The following JMJD6 variants were observed in gnomAD, a reference collection of about 807,000 sequenced individuals.
The protein encoded by JMJD6 is bifunctional arginine demethylase and lysyl-hydroxylase JMJD6.
JMJD6 carries 17 observed loss-of-function variants against 45.8 expected under a neutral mutation model. The ratio of observed to expected loss-of-function variants is 0.37; its 90% CI spans 0.25 to 0.56. JMJD6 has a LOEUF of 0.56. Among genes scored for constraint, JMJD6 ranks in the 20% least tolerant of loss-of-function variants. The probability of loss-of-function intolerance (pLI) is 0.79; values close to 1 mark genes in which losing one functional copy is unlikely to be tolerated. For synonymous variants in JMJD6, 221 were observed against 196.3 expected, an observed-to-expected ratio of 1.13 and a Z score of -1.05; for missense variants, 470 against 517.5, an observed-to-expected ratio of 0.91 and a Z score of 0.89.
At chr17:76,721,653 C>T (rs1025682386) in intron 4 of JMJD6, 145 bp downstream of exon 4, 10 of 878,918 alleles carry the variant, frequency 1.1e-5, no homozygotes, top group Non-Finnish European at 1.7e-5. Context: ...CTTGGCCCCT[C>T]TCTCCTCTAC....
intron 3 of JMJD6, among the ~76,000 whole-genome samples, chr17:76,722,553 A>G (rs141744346): frequency 1.3e-3 from 205 of 152,158 alleles, no homozygotes; most frequent in African/African-American, 4.7e-3. Flanking sequence ...CAATTTACAG[A>G]ATTAAACCCT....
Position 76,726,370 on chromosome 17 carries a change from A to C in JMJD6, c.106T>G (p.Ser36Ala). ...WTRHNYYESFSLSPAAVADNV... is the reference protein window; with the variant it reads ...WTRHNYYESFALSPAAVADNV... ...ACCGCCACGGCCGCCGGGCTCAGCG[A>C]GAAGCTCTCGTAGTAGTTGTGCCGG... Residue 36 changes from serine to alanine, a missense_variant, in exon 1 of 6, where the codon TCG (serine) becomes GCG (alanine). Transcript: ENST00000397625. 1 of 1,596,048 alleles carries C rather than the reference A, an allele frequency of 6.3e-7. No individual in the cohort carries two copies. Among genetic ancestry groups the C allele is most frequent in the South Asian group, 1.1e-5 (1 of 88,850 alleles).
At chr17:76,716,765 G>A, downstream of JMJD6, 1 of 1,605,746 alleles carries the variant, frequency 6.2e-7, no homozygotes, top group Non-Finnish European at 8.5e-7. Context: ...CACGTAGACA[G>A]CATGCTGGGT....
At position 76,726,372 on chromosome 17, in the gene JMJD6, A is replaced by C; in HGVS notation, c.104T>G (p.Phe35Cys). The part of the protein sequence containing the change: ...DWTRHNYYES[F>C]SLSPAAVADN... ...CGCCACGGCCGCCGGGCTCAGCGAG[A>C]AGCTCTCGTAGTAGTTGTGCCGGGT... The change falls in exon 1 of 6, where the codon TTC becomes TGC. Residue 35 changes from phenylalanine (F) to cysteine (C), a missense_variant. Around this residue, in one of 4 missense-constraint regions of JMJD6, gnomAD observed 346 missense variants for 339.5 expected, o/e 1.02. Transcript: ENST00000397625. The C allele has an allele frequency of 1.9e-6, 3 of 1,597,450 alleles. No homozygotes were observed. The highest frequency in any genetic ancestry group is 1.7e-6 in the Non-Finnish European group (2 of 1,173,762).
intron 2 of JMJD6, among the ~76,000 whole-genome samples, chr17:76,724,595 T>G (rs563741165): frequency 6.6e-6 from 1 of 151,798 alleles, no homozygotes; most frequent in Non-Finnish European, 1.5e-5. Context: ...GGTGGGTGCA[T>G]CACCTGAGGT....
chr17:76,721,228 G>A, intron 4 of JMJD6: 1 of 353,366 alleles, frequency 2.8e-6, no homozygotes, highest in South Asian at 1.9e-5. Context: ...CAGCAGGGAG[G>A]CTGAGCATGG....
In JMJD6 at chr17:76,718,857, C is replaced by T. The variant is rs551010788; in HGVS notation, c.1084G>A (p.Glu362Lys). The part of the protein sequence containing the change: ...SSSSDSDSEC[E>K]SGSEGDGTVH... ...GTCCCATCGCCCTCGGATCCAGACT[C>T]GCACTGGACACAGGAGGACAGAAAA... Residue 362 changes from glutamate to lysine, a missense_variant, in exon 6 of 6, where the codon GAG (glutamate) becomes AAG (lysine). By Grantham distance (56) the Glu-to-Lys change is moderately conservative (BLOSUM62 1). Around this residue, in one of 4 missense-constraint regions of JMJD6, gnomAD observed 45 missense variants for 37.2 expected, o/e 1.21. Coordinates refer to ENST00000397625, the MANE Select transcript of JMJD6 (RefSeq NM_015167.3). The T allele has an allele frequency of 2.9e-5, 46 of 1,613,458 alleles. No individual in the cohort carries two copies. Among genetic ancestry groups the T allele is most frequent in the Non-Finnish European group, 3.6e-5 (43 of 1,179,658 alleles).
intron 3 of JMJD6, among the ~76,000 whole-genome samples, chr17:76,722,703 G>A (rs1157025643): frequency 6.6e-6 from 1 of 151,894 alleles, no homozygotes. Flanking sequence ...AAAATTAGCT[G>A]GGTGTGGCGG....
intron 3 of JMJD6, among the ~76,000 whole-genome samples, chr17:76,722,998 G>T (rs893041003): frequency 1.4e-5 from 2 of 147,566 alleles, no homozygotes; most frequent in Non-Finnish European, 3.0e-5. Context: ...CCAGGCTGGA[G>T]TGCAGTGACA....
chr17:76,713,988 T>C (rs2076746985), downstream of JMJD6: 2 of 152,238 alleles, frequency 1.3e-5, no homozygotes, highest in African/African-American at 4.8e-5. Flanking sequence ...GTCACCGTTA[T>C]CTCCAGCACC....
chr17:76,716,966 T>G (rs913051220), downstream of JMJD6, among the ~76,000 whole-genome samples: 1 of 152,132 alleles, frequency 6.6e-6, no homozygotes, highest in African/African-American at 2.4e-5. Flanking sequence ...TGAAAGGACA[T>G]CGAGGGTTGA....
chr17:76,724,378 C>T (rs891576343), intron 2 of JMJD6, among the ~76,000 whole-genome samples: 1 of 151,968 alleles, frequency 6.6e-6, no homozygotes, highest in African/African-American at 2.4e-5. Flanking sequence ...GCCTCGGCCT[C>T]CCAAAGTGCT....
chr17:76,715,565 C>T (rs1221757263), downstream of JMJD6: 1 of 152,236 alleles, frequency 6.6e-6, no homozygotes, highest in Non-Finnish European at 1.5e-5. Context: ...CAACAGCACA[C>T]AATTCTAACA....
rs370584612 is a variant in JMJD6, at chr17:76,723,919, C to T, written c.658G>A (p.Val220Met). The T allele has an allele frequency of 6.2e-6, 10 of 1,614,112 alleles. No individual in the cohort carries two copies. Among genetic ancestry groups the T allele is most frequent in the Non-Finnish European group, 5.9e-6 (7 of 1,180,030 alleles). ...PTSTPRELIK[V>M]TRDEGGNQQD... Reference sequence around the variant, plus strand: ...TGGTTCCCTCCTTCGTCTCGGGTCACTTTGATGAGTTCCCTGGGAGTGCTG... The same window carrying T: ...TGGTTCCCTCCTTCGTCTCGGGTCATTTTGATGAGTTCCCTGGGAGTGCTG... Residue 220 changes from valine to methionine, a missense_variant, in exon 3 of 6, where the codon GTG (valine) becomes ATG (methionine). By Grantham distance (21) the Val-to-Met change is conservative. Coordinates refer to ENST00000397625, the MANE Select transcript of JMJD6 (RefSeq NM_015167.3).
downstream of JMJD6, among the ~76,000 whole-genome samples, chr17:76,718,194 C>CAA (rs982269962): frequency 3.2e-4 from 46 of 143,440 alleles, no homozygotes; most frequent in Middle Eastern, 3.7e-3. Flanking sequence ...TTTGACAAAT[C>CAA]AGAGTTTTCT....
rs2076858285 is a variant in JMJD6 at position 76,723,719 on chromosome 17, G to A, written c.805+53C>T. The A allele has an allele frequency of 9.6e-6, 15 of 1,556,628 alleles. No individual in the cohort carries two copies. The South Asian group carries it at 1.0e-4, about 11-fold the overall frequency. The stretch of plus-strand genomic sequence containing the variant: ...GCCTCCCAAAGTGCTGGGATTACAG[G>A]CATGAACCACCGCGCCCGGCAAAGA... On this transcript the variant is annotated intron_variant, in intron 3 of 5. Coordinates refer to ENST00000397625, the MANE Select transcript of JMJD6 (RefSeq NM_015167.3).
In JMJD6 at chr17:76,726,526, C is replaced by T; in HGVS notation, c.-51G>A. 1 of 1,554,446 alleles carries T rather than the reference C, an allele frequency of 6.4e-7. No homozygotes were observed. On this transcript the variant is annotated 5_prime_UTR_variant, in exon 1 of 6. Transcript: ENST00000397625. Reference sequence around the variant, plus strand: ...CTACGACCTCGGCGCAGCCCGCTTCCTGACACTAACGCACCCCTCCCCGGC... The same window carrying T: ...CTACGACCTCGGCGCAGCCCGCTTCTTGACACTAACGCACCCCTCCCCGGC...
chr17:76,719,051 T>C (rs571908550), intron 5 of JMJD6, among the ~76,000 whole-genome samples, 191 bp from the exon 6 acceptor site: 7 of 152,290 alleles, frequency 4.6e-5, no homozygotes, highest in African/African-American at 1.7e-4. Flanking sequence ...CCCTAAGAAT[T>C]TCAAACTTCC....
At chr17:76,724,248 A>G (rs2076867144) in intron 2 of JMJD6, among the ~76,000 whole-genome samples, 190 bp from the exon 3 acceptor site, 1 of 151,820 alleles carries the variant, frequency 6.6e-6, no homozygotes, top group African/African-American at 2.4e-5. Flanking sequence ...TAGCCTCCTG[A>G]GTAGCTGGGA....
Sources: gnomAD v4.1 joint callset for allele counts (sites outside exome capture counted in the v4.1 genomes callset) on GRCh38, gnomAD v4.1.1 for gene constraint, gnomAD v4.1.1 regional missense constraint, MANE v1.5 for transcripts, NCBI Gene and HGNC (gene_info 2026-07-23, HGNC 2026-07-21) for gene names.